The following LRRTM4 variants were observed in gnomAD, a reference collection of about 807,000 sequenced individuals.
LRRTM4 encodes leucine-rich repeat transmembrane neuronal protein 4.
A neutral mutation model predicts 47.6 loss-of-function variants in LRRTM4; 25 were observed. The observed-to-expected ratio is 0.53, with a 90% CI of 0.38 to 0.73. The LOEUF (loss-of-function observed/expected upper bound fraction) is 0.73. LRRTM4 is among the 30% of genes least tolerant of loss of function. The pLI is 0.00. For synonymous variants in LRRTM4, 311 were observed against 269.5 expected (o/e 1.15, Z -1.51); for missense variants, 638 against 713.4 (o/e 0.89, Z 1.20).
At chr2:77,440,503 A>C (rs1020425809) in intron 3 of LRRTM4, among the ~76,000 whole-genome samples, 1 of 152,220 alleles carries the variant, frequency 6.6e-6, no homozygotes, top group Non-Finnish European at 1.5e-5. Flanking sequence ...TTTACTTTCT[A>C]CTGTTTATAA....
In LRRTM4 at chr2:76,813,751, A is replaced by C. The variant is rs147947731; in HGVS notation, c.1552-64835T>G. On this transcript the variant is annotated intron_variant, in intron 3 of 3. Coordinates refer to ENST00000409884, the MANE Select transcript of LRRTM4 (RefSeq NM_001134745.3). ...CAGATTCAAAGGATGTTATTGTTTC[A>C]ATAAACCTTTTTAAGAATAGTTTTA... Among the ~76,000 whole-genome samples, 369 of 152,238 alleles carry C rather than the reference A, an allele frequency of 2.4e-3. 6 individuals carry two copies. The highest frequency in any genetic ancestry group is 8.6e-3 in the African/African-American group (356 of 41,550).
chr2:76,905,993 GAACGCCACA>G (rs1438733005), intron 3 of LRRTM4, among the ~76,000 whole-genome samples: 1 of 151,968 alleles, frequency 6.6e-6, no homozygotes, highest in Non-Finnish European at 1.5e-5. Context: ...GAAATACAGA[GAACGCCACA>G]AAGATACTCC....
intron 3 of LRRTM4, among the ~76,000 whole-genome samples, chr2:77,020,347 G>A (rs1678221880): frequency 1.3e-5 from 2 of 151,972 alleles, no homozygotes; most frequent in South Asian, 2.1e-4. Context: ...ATATTAGGTT[G>A]GTGCAAAAGT....
chr2:77,052,447 G>A (rs1407394145), intron 3 of LRRTM4, among the ~76,000 whole-genome samples: 1 of 151,908 alleles, frequency 6.6e-6, no homozygotes, highest in Non-Finnish European at 1.5e-5. Context: ...GGGATTACAG[G>A]TGTGAGCCAC....
chr2:77,335,803 G>C (rs955830499), intron 3 of LRRTM4, among the ~76,000 whole-genome samples: 7 of 152,074 alleles, frequency 4.6e-5, no homozygotes, highest in African/African-American at 1.7e-4. Flanking sequence ...GCCCAAATTA[G>C]GCTCATTCTT....
chr2:77,248,144 T>C (rs909744567), intron 3 of LRRTM4, among the ~76,000 whole-genome samples: 2 of 151,074 alleles, frequency 1.3e-5, no homozygotes, highest in African/African-American at 4.8e-5. Context: ...ATTTCAGCTG[T>C]TCTTATGAAT....
At chr2:77,121,003 T>C (rs1454621152) in intron 3 of LRRTM4, among the ~76,000 whole-genome samples, 10 of 151,816 alleles carry the variant, frequency 6.6e-5, no homozygotes, top group African/African-American at 2.4e-4. Flanking sequence ...TCTACGTATC[T>C]GTGTACGGGC....
intron 3 of LRRTM4, among the ~76,000 whole-genome samples, chr2:77,363,838 T>A (rs1279258445): frequency 2.0e-5 from 3 of 152,134 alleles, no homozygotes; most frequent in African/African-American, 7.2e-5. Context: ...TGCTTTGGAA[T>A]TTTAACAAAA....
chr2:77,475,240 T>C (rs1316796123), intron 3 of LRRTM4, among the ~76,000 whole-genome samples: 1 of 152,096 alleles, frequency 6.6e-6, no homozygotes, highest in East Asian at 1.9e-4. Context: ...GTACTGTTTT[T>C]GCAACTCAGT....
In LRRTM4 at chr2:77,235,248, G is replaced by C. The variant is rs372065570; in HGVS notation, c.1551+283070C>G. On this transcript the variant is annotated intron_variant, in intron 3 of 3. Coordinates refer to ENST00000409884, the MANE Select transcript of LRRTM4 (RefSeq NM_001134745.3). ...TAATAATACCCATTCTGACTGGTTT[G>C]GGATTGTAGTTTTAATTTACATTTC... 2.7e-3 allele frequency among the ~76,000 whole-genome samples: 414 copies of C among 151,974 alleles called. 2 individuals are homozygous for C. Among genetic ancestry groups the C allele is most frequent in the African/African-American group, 9.7e-3 (404 of 41,496 alleles).
intron 3 of LRRTM4, among the ~76,000 whole-genome samples, chr2:77,239,760 T>C (rs1319440543): frequency 6.6e-6 from 1 of 151,820 alleles, no homozygotes; most frequent in Admixed American, 6.6e-5. Context: ...TTTGAATTTA[T>C]AGAGGAAAAT....
intron 3 of LRRTM4, among the ~76,000 whole-genome samples, chr2:76,803,982 G>A (rs1299962908): frequency 6.6e-5 from 10 of 152,158 alleles, no homozygotes; most frequent in African/African-American, 2.4e-4. Context: ...TTTCCCATGT[G>A]TTGTCACAAC....
intron 3 of LRRTM4, among the ~76,000 whole-genome samples, chr2:77,068,930 C>T (rs148364675): frequency 2.0e-3 from 305 of 151,108 alleles, no homozygotes; most frequent in African/African-American, 7.2e-3. Context: ...AAACCACAAA[C>T]AATAGCATGA....
At chr2:76,804,772 A>ATCATGTTTTATAACAATATATATG (rs1675884826) in intron 3 of LRRTM4, among the ~76,000 whole-genome samples, 1 of 148,980 alleles carries the variant, frequency 6.7e-6, no homozygotes, top group Non-Finnish European at 1.5e-5. Flanking sequence ...CAATATATAT[A>ATCATGTTTTATAACAATATATATG]TCATGTTTTA....
chr2:77,181,886 A>T (rs1315644565), intron 3 of LRRTM4, among the ~76,000 whole-genome samples: 2 of 152,212 alleles, frequency 1.3e-5, no homozygotes, highest in Non-Finnish European at 2.9e-5. Flanking sequence ...ATCTCATGCC[A>T]GTAGAAATGG....
At chr2:76,790,563 AAT>A in intron 3 of LRRTM4, among the ~76,000 whole-genome samples, 1 of 152,316 alleles carries the variant, frequency 6.6e-6, no homozygotes, top group East Asian at 1.9e-4. Context: ...GTAAAATCCT[AAT>A]AGTGTTTGAC....
At chr2:77,220,561 C>A (rs1200990632) in intron 3 of LRRTM4, among the ~76,000 whole-genome samples, 2 of 152,168 alleles carry the variant, frequency 1.3e-5, no homozygotes, top group Admixed American at 6.5e-5. Context: ...GATGAATGCA[C>A]AAGCCTCAGT....
intron 3 of LRRTM4, among the ~76,000 whole-genome samples, chr2:77,374,730 A>C (rs1416211492): frequency 6.6e-6 from 1 of 151,822 alleles, no homozygotes; most frequent in Non-Finnish European, 1.5e-5. Flanking sequence ...CTGGTCTCAA[A>C]GATTTATCTA....
intron 3 of LRRTM4, among the ~76,000 whole-genome samples, chr2:77,275,673 C>G (rs897214473): frequency 2.6e-5 from 4 of 152,094 alleles, no homozygotes; most frequent in Admixed American, 2.6e-4. Flanking sequence ...TGTTCCTCTT[C>G]TGCTGGACCT....
Sources: gnomAD v4.1 joint callset for allele counts (sites outside exome capture counted in the v4.1 genomes callset) on GRCh38, gnomAD v4.1.1 for gene constraint, MANE v1.5 for transcripts, NCBI Gene and HGNC (gene_info 2026-07-23, HGNC 2026-07-21) for gene names.